WRN: variants seen among roughly 807,000 people sequenced by gnomAD.
The protein encoded by WRN is bifunctional 3'-5' exonuclease/ATP-dependent helicase WRN.
In WRN, 149 loss-of-function variants were observed where a neutral mutation model predicts 180.7. The ratio of observed to expected loss-of-function variants is 0.82; its 90% CI spans 0.72 to 0.94. The LOEUF (loss-of-function observed/expected upper bound fraction) is 0.94, where lower values mean the gene tolerates loss of function less well. Ranked by LOEUF, WRN falls within the 40% of genes least tolerant of loss-of-function variation. The probability of loss-of-function intolerance (pLI) is 0.00; values close to 1 mark genes in which losing one functional copy is unlikely to be tolerated. For missense variants in WRN, 1,661 were observed against 1,700.1 expected, an observed-to-expected ratio of 0.98 and a Z score of 0.40; for synonymous variants, 548 against 568.9, an observed-to-expected ratio of 0.96 and a Z score of 0.52.
intron 8 of WRN, among the ~76,000 whole-genome samples, chr8:31,076,951 T>C (rs185583565): frequency 1.1e-4 from 16 of 152,340 alleles, no homozygotes; most frequent in African/African-American, 3.8e-4. Flanking sequence ...ATGACTTCCT[T>C]ATTAAATCTC....
At chr8:31,108,567 C>G (rs1328401463) in intron 18 of WRN, among the ~76,000 whole-genome samples, 1 of 151,104 alleles carries the variant, frequency 6.6e-6, no homozygotes, top group East Asian at 1.9e-4. Context: ...GCAGCTTAAT[C>G]AAAGGAAAAA....
At chr8:31,047,948 A>G (rs1044771937) in intron 1 of WRN, among the ~76,000 whole-genome samples, 1 of 152,214 alleles carries the variant, frequency 6.6e-6, no homozygotes. Context: ...GTGGCTTCTC[A>G]CTATGACACA....
intron 27 of WRN, among the ~76,000 whole-genome samples, 166 bp from the exon 28 acceptor site, chr8:31,143,384 G>C (rs1802736382): frequency 6.6e-6 from 1 of 152,024 alleles, no homozygotes; most frequent in Non-Finnish European, 1.5e-5. Flanking sequence ...ACTACCTTTA[G>C]AACTTTAGAA....
intron 1 of WRN, among the ~76,000 whole-genome samples, chr8:31,054,727 A>G (rs749906608): frequency 2.2e-4 from 33 of 152,310 alleles, no homozygotes; most frequent in Non-Finnish European, 3.7e-4. Flanking sequence ...GATAAAATAC[A>G]TGTTTTTTAA....
At position 31,044,146 on chromosome 8, in the gene WRN, A is replaced by G. The variant is rs1447563702; in HGVS notation, c.-77+10173A>G. Among the ~76,000 whole-genome samples the G allele has an allele frequency of 3.3e-5, 5 of 151,098 alleles. No individual in the cohort carries two copies. The East Asian group carries it at 7.8e-4, about 24-fold the overall frequency. The stretch of plus-strand genomic sequence containing the variant: ...AAGCTCCGCCTCCCAGGTTCACGCC[A>G]TTCTCCTGCCTCAGCCTCCCCAGCA... On this transcript the variant is annotated intron_variant, in intron 1 of 34. Transcript: ENST00000298139.
chr8:31,134,331 A>G (rs903561409), intron 24 of WRN, among the ~76,000 whole-genome samples: 1 of 152,234 alleles, frequency 6.6e-6, no homozygotes, highest in Admixed American at 6.5e-5. Flanking sequence ...GTTTAGTTAA[A>G]GAGATAATGT....
At chr8:31,131,087 G>C (rs1273390115) in intron 23 of WRN, among the ~76,000 whole-genome samples, 1 of 151,796 alleles carries the variant, frequency 6.6e-6, no homozygotes, top group South Asian at 2.1e-4. Flanking sequence ...TGCAGTAAAA[G>C]AGTAGGAAGG....
chr8:31,060,074 A>T (rs1812432737), intron 3 of WRN, among the ~76,000 whole-genome samples: 1 of 151,822 alleles, frequency 6.6e-6, no homozygotes, highest in Non-Finnish European at 1.5e-5. Context: ...AAAATCCAAA[A>T]AAACAACCCC....
chr8:31,048,866 T>A (rs1018465774), intron 1 of WRN, among the ~76,000 whole-genome samples: 5 of 152,126 alleles, frequency 3.3e-5, no homozygotes, highest in African/African-American at 1.2e-4. Flanking sequence ...ATTAATCCAG[T>A]CTTGTAACTT....
intron 24 of WRN, among the ~76,000 whole-genome samples, chr8:31,134,327 T>C (rs1802312307): frequency 6.6e-6 from 1 of 152,180 alleles, no homozygotes; most frequent in African/African-American, 2.4e-5. Context: ...TGGAGTTTAG[T>C]TAAAGAGATA....
chr8:31,169,033 A>T (rs959106093), intron 34 of WRN, among the ~76,000 whole-genome samples: 4 of 151,952 alleles, frequency 2.6e-5, no homozygotes, highest in African/African-American at 4.8e-5. Context: ...TAGTTTTTTT[A>T]AAATTTCATT....
At chr8:31,138,210 G>A (rs1199365833) in intron 24 of WRN, among the ~76,000 whole-genome samples, 1 of 152,068 alleles carries the variant, frequency 6.6e-6, no homozygotes, top group Non-Finnish European at 1.5e-5. Flanking sequence ...TTGAACCTCT[G>A]ATAATTTGTT....
At chr8:31,039,939 A>G (rs1020788117) in intron 1 of WRN, among the ~76,000 whole-genome samples, 20 of 152,212 alleles carry the variant, frequency 1.3e-4, no homozygotes, top group African/African-American at 4.6e-4. Flanking sequence ...GTTATCTTAT[A>G]ACAGAATCAC....
chr8:31,143,459 T>G, intron 27 of WRN, 91 bp from the exon 28 acceptor site: 1 of 856,942 alleles, frequency 1.2e-6, no homozygotes, highest in Non-Finnish European at 1.9e-6. Flanking sequence ...AAAGAAAAAA[T>G]TGTGATTTTG....
At chr8:31,096,989 C>T (rs1308866748) in intron 17 of WRN, 139 bp downstream of exon 17, 2 of 810,586 alleles carry the variant, frequency 2.5e-6, no homozygotes, top group Non-Finnish European at 2.1e-6. Flanking sequence ...GACTCTCTAA[C>T]TTGCTGTTTC....
intron 17 of WRN, among the ~76,000 whole-genome samples, chr8:31,098,019 A>T (rs1353332890): frequency 2.6e-5 from 4 of 152,182 alleles, no homozygotes; most frequent in African/African-American, 9.6e-5. Context: ...AGCATTTGAT[A>T]ATTTTTCCAA....
chr8:31,067,069 G>A lies in WRN; in HGVS notation c.541G>A (p.Val181Ile), dbSNP rs1812735533. 2 of 1,613,842 alleles carry A rather than the reference G, an allele frequency of 1.2e-6. No homozygotes were observed. Among genetic ancestry groups the A allele is most frequent in the Non-Finnish European group, 1.7e-6 (2 of 1,179,962 alleles). ...AGAGACCTGGAGCCTTAACAGTCTG[G>A]TTAAACACCTCTTAGGTAAACAGCT... Reference protein sequence around the residue: ...CTETWSLNSLVKHLLGKQLLK... With the variant: ...CTETWSLNSLIKHLLGKQLLK... The change falls in exon 6 of 35, where the codon GTT becomes ATT. Residue 181 changes from valine to isoleucine, a missense_variant. This residue lies in a region of WRN where 500 missense variants were observed against 504.1 expected (regional missense o/e 0.99). Transcript: ENST00000298139.
intron 1 of WRN, among the ~76,000 whole-genome samples, chr8:31,045,955 A>G (rs1811847484): frequency 6.6e-6 from 1 of 152,142 alleles, no homozygotes; most frequent in Non-Finnish European, 1.5e-5. Flanking sequence ...AGTGTGTCTT[A>G]TCCAGTCCTT....
intron 1 of WRN, among the ~76,000 whole-genome samples, chr8:31,055,905 C>A (rs1444430419): frequency 6.6e-6 from 1 of 152,260 alleles, no homozygotes; most frequent in East Asian, 1.9e-4. Context: ...TAAAGGATTT[C>A]CCTATTGCAA....
Sources: allele counts gnomAD v4.1 joint callset (sites outside exome capture counted in the v4.1 genomes callset), GRCh38; gene constraint gnomAD v4.1.1; regional missense constraint gnomAD v4.1.1; transcripts MANE v1.5; gene names NCBI Gene and HGNC (gene_info 2026-07-23, HGNC 2026-07-21).